Variants in COG5 observed in about 807,000 individuals in gnomAD.
COG5 encodes the protein conserved oligomeric Golgi complex subunit 5.
A neutral mutation model predicts 110.4 loss-of-function variants in COG5; 86 were observed. The observed-to-expected ratio is 0.78, with a 90% confidence interval of 0.65 to 0.93. The LOEUF (loss-of-function observed/expected upper bound fraction) is 0.93, where lower values mean the gene tolerates loss of function less well. Among genes scored for constraint, COG5 ranks in the 40% least tolerant of loss-of-function variants. The pLI, the probability that COG5 is intolerant of heterozygous loss-of-function variation, is 0.00. For missense variants in COG5, 1,077 were observed against 987.0 expected (o/e 1.09, Z -1.22); for synonymous variants, 360 against 334.6 (o/e 1.08, Z -0.83).
chr7:107,449,015 A>G (rs1343371907), intron 6 of COG5, among the ~76,000 whole-genome samples: 1 of 152,228 alleles, frequency 6.6e-6, no homozygotes, highest in Non-Finnish European at 1.5e-5. Context: ...ACAGTTGAGA[A>G]AAATGTAAAC....
chr7:107,292,895 A>G (rs1666842331), intron 12 of COG5, among the ~76,000 whole-genome samples: 1 of 152,210 alleles, frequency 6.6e-6, no homozygotes, highest in African/African-American at 2.4e-5. Flanking sequence ...ATGTAGACAT[A>G]CAGCTTAGAA....
chr7:107,205,023 C>T (rs1187254926), intron 21 of COG5, among the ~76,000 whole-genome samples: 3 of 152,190 alleles, frequency 2.0e-5, no homozygotes, highest in African/African-American at 7.2e-5. Flanking sequence ...ACATCCAGTC[C>T]CTCCTCTCCC....
intron 10 of COG5, 99 bp downstream of exon 10, chr7:107,361,934 T>G: frequency 1.3e-6 from 1 of 761,366 alleles, no homozygotes; most frequent in South Asian, 1.5e-5. Context: ...CCATCTGATA[T>G]GTAGCCACTC....
intron 19 of COG5, 25 bp downstream of exon 19, chr7:107,230,590 G>A (rs1584547325): frequency 2.6e-6 from 4 of 1,530,314 alleles, no homozygotes; most frequent in Non-Finnish European, 2.7e-6. Flanking sequence ...GGATATGAAT[G>A]TATGAACAAA....
chr7:107,356,016 T>C (rs1284573294), intron 10 of COG5, among the ~76,000 whole-genome samples: 3 of 152,240 alleles, frequency 2.0e-5, no homozygotes, highest in African/African-American at 7.2e-5. Flanking sequence ...ATGCATAACA[T>C]TGTACTTTCT....
At chr7:107,492,310 G>A (rs1798023211) in intron 6 of COG5, among the ~76,000 whole-genome samples, 1 of 151,804 alleles carries the variant, frequency 6.6e-6, no homozygotes, top group Non-Finnish European at 1.5e-5. Context: ...TAACTGACGT[G>A]GTACAAATGC....
intron 14 of COG5, among the ~76,000 whole-genome samples, chr7:107,280,773 T>C (rs758140891): frequency 6.6e-5 from 10 of 152,070 alleles, no homozygotes; most frequent in South Asian, 2.1e-4. Flanking sequence ...CTATTTCAAA[T>C]AGAATAATTT....
chr7:107,391,913 A>G (rs2129056975), intron 7 of COG5, among the ~76,000 whole-genome samples: 1 of 152,276 alleles, frequency 6.6e-6, no homozygotes, highest in South Asian at 2.1e-4. Context: ...AACATGGTGA[A>G]ACCCCGTCTC....
At chr7:107,270,258 CTTT>C (rs10611550) in intron 14 of COG5, among the ~76,000 whole-genome samples, 36 of 138,328 alleles carry the variant, frequency 2.6e-4, no homozygotes, top group South Asian at 4.6e-4. Context: ...CTCACACGTG[CTTT>C]TTTTTTTTTT....
At position 107,228,851 on chromosome 7, in the gene COG5, T is replaced by C. The variant is rs970906305; in HGVS notation, c.2168+1764A>G. Among the ~76,000 whole-genome samples the C allele has an allele frequency of 5.3e-5, 8 of 151,576 alleles. No individual in the cohort carries two copies. The East Asian group carries it at 5.8e-4, about 11-fold the overall frequency. ...ACGGATTCCCTCTCAATCAACAATA[T>C]TGGATTCTTATATTTCTTATATTCC... On this transcript the variant is annotated intron_variant, in intron 19 of 21. Coordinates refer to ENST00000297135, the MANE Select transcript of COG5 (RefSeq NM_006348.5).
chr7:107,541,082 C>T (rs1372246678), intron 5 of COG5, among the ~76,000 whole-genome samples: 1 of 150,368 alleles, frequency 6.7e-6, no homozygotes, highest in African/African-American at 2.5e-5. Flanking sequence ...ACCCAGGAGG[C>T]GGAGGTTGCA....
At chr7:107,206,802 GC>G (rs1798818605) in intron 21 of COG5, among the ~76,000 whole-genome samples, 1 of 152,152 alleles carries the variant, frequency 6.6e-6, no homozygotes, top group South Asian at 2.1e-4. Context: ...GAAGTATGGG[GC>G]AAAAAAGATT....
chr7:107,432,532 T>C (rs1159866298), intron 6 of COG5, among the ~76,000 whole-genome samples: 1 of 152,114 alleles, frequency 6.6e-6, no homozygotes, highest in African/African-American at 2.4e-5. Flanking sequence ...AATACCATAA[T>C]GCTTAAAAAC....
At chr7:107,294,976 T>TATATATAC (rs1806535623) in intron 12 of COG5, among the ~76,000 whole-genome samples, 1 of 128,876 alleles carries the variant, frequency 7.8e-6, no homozygotes, top group African/African-American at 3.0e-5. Context: ...CATATATATA[T>TATATATAC]ACACATATAT....
chr7:107,540,070 C>A (rs944612074), intron 5 of COG5, among the ~76,000 whole-genome samples: 3 of 152,052 alleles, frequency 2.0e-5, no homozygotes, highest in Non-Finnish European at 2.9e-5. Flanking sequence ...TGTTTATGGG[C>A]AGAGAATTGG....
At chr7:107,550,178 G>A (rs566548730) in intron 3 of COG5, among the ~76,000 whole-genome samples, 30 of 152,106 alleles carry the variant, frequency 2.0e-4, no homozygotes, top group South Asian at 1.5e-3. Context: ...AATAACTCAC[G>A]GTGACTTTTT....
At chr7:107,423,788 C>T (rs1416268560) in intron 6 of COG5, among the ~76,000 whole-genome samples, 3 of 152,058 alleles carry the variant, frequency 2.0e-5, no homozygotes, top group Non-Finnish European at 4.4e-5. Flanking sequence ...GGAATTTCTT[C>T]TGGGAATGCA....
At chr7:107,261,033 C>A (rs1467419701) in intron 14 of COG5, among the ~76,000 whole-genome samples, 1 of 151,978 alleles carries the variant, frequency 6.6e-6, no homozygotes, top group African/African-American at 2.4e-5. Context: ...GTAACACCCA[C>A]CCGTCACCTA....
At chr7:107,520,782 T>C (rs1800268783) in intron 6 of COG5, among the ~76,000 whole-genome samples, 1 of 152,174 alleles carries the variant, frequency 6.6e-6, no homozygotes, top group African/African-American at 2.4e-5. Flanking sequence ...TTCACAGAGT[T>C]AGAAAAAACT....
Sources: gnomAD v4.1 joint callset for allele counts (sites outside exome capture counted in the v4.1 genomes callset) on GRCh38, gnomAD v4.1.1 for gene constraint, MANE v1.5 for transcripts, NCBI Gene and HGNC (gene_info 2026-07-23, HGNC 2026-07-21) for gene names.